The following MARCHF1 variants were observed in gnomAD, a reference collection of about 807,000 sequenced individuals.
MARCHF1 encodes membrane associated ring-CH-type finger 1.
MARCHF1 carries 40 observed loss-of-function variants against 54.2 expected under a neutral mutation model. The ratio of observed to expected loss-of-function variants is 0.74; its 90% confidence interval spans 0.57 to 0.96. MARCHF1 has a LOEUF of 0.96. Ranked by LOEUF, MARCHF1 falls within the 40% of genes least tolerant of loss-of-function variation. The pLI is 0.00. For synonymous variants in MARCHF1, 236 were observed against 236.3 expected (o/e 1.00, Z 0.01); for missense variants, 586 against 656.5 (o/e 0.89, Z 1.17).
intron 2 of MARCHF1, among the ~76,000 whole-genome samples, chr4:164,081,328 T>A (rs1454242795): frequency 1.6e-4 from 24 of 150,842 alleles, no homozygotes; most frequent in Admixed American, 1.6e-3. Flanking sequence ...TGTCAGCAGA[T>A]CTTGTTCATT....
chr4:163,884,850 T>C (rs1750494214), intron 3 of MARCHF1, among the ~76,000 whole-genome samples: 1 of 152,140 alleles, frequency 6.6e-6, no homozygotes, highest in Non-Finnish European at 1.5e-5. Context: ...AATGAATGGA[T>C]ACCAAAGCTG....
At chr4:163,937,091 A>T (rs1751812323) in intron 3 of MARCHF1, among the ~76,000 whole-genome samples, 1 of 152,180 alleles carries the variant, frequency 6.6e-6, no homozygotes, top group Non-Finnish European at 1.5e-5. Flanking sequence ...CATAATTTAT[A>T]CTTGTCTAGT....
rs190765258 is a variant in MARCHF1 at position 164,260,298 on chromosome 4, G to A, written c.-323+123572C>T. Among the ~76,000 whole-genome samples the A allele has an allele frequency of 5.4e-3, 814 of 152,082 alleles. 7 individuals are homozygous for A. Among genetic ancestry groups the A allele is most frequent in the African/African-American group, 0.017 (709 of 41,430 alleles). ...ACCTTATAAACCTCCAGAATAATGA[G>A]ACCACTGGGTTCAGTAAATTGCTTT... On this transcript the variant is annotated intron_variant, in intron 1 of 9. Transcript: ENST00000514618.
chr4:163,601,506 G>A (rs1431648869), intron 7 of MARCHF1, among the ~76,000 whole-genome samples: 3 of 151,682 alleles, frequency 2.0e-5, no homozygotes, highest in Non-Finnish European at 4.4e-5. Context: ...GACACATATT[G>A]TTCTTAAATT....
intron 7 of MARCHF1, among the ~76,000 whole-genome samples, chr4:163,591,097 A>G (rs912910999): frequency 1.3e-5 from 2 of 151,672 alleles, no homozygotes; most frequent in Non-Finnish European, 2.9e-5. Flanking sequence ...CACTTAATTG[A>G]TCACTTAATT....
chr4:164,217,676 A>G (rs576130212), intron 1 of MARCHF1, among the ~76,000 whole-genome samples: 85 of 152,292 alleles, frequency 5.6e-4, no homozygotes, highest in African/African-American at 1.9e-3. Context: ...TCTGCCCCCA[A>G]CCATTTATAA....
chr4:163,714,051 T>C (rs1745188278), intron 4 of MARCHF1, among the ~76,000 whole-genome samples: 1 of 152,228 alleles, frequency 6.6e-6, no homozygotes, highest in South Asian at 2.1e-4. Flanking sequence ...ACAAGCTATG[T>C]AACCTTGAGC....
chr4:164,326,789 A>G (rs1487382034), intron 1 of MARCHF1, among the ~76,000 whole-genome samples: 4 of 152,190 alleles, frequency 2.6e-5, no homozygotes, highest in Non-Finnish European at 5.9e-5. Flanking sequence ...AGGAGCTAAA[A>G]GTATAGATTC....
intron 3 of MARCHF1, among the ~76,000 whole-genome samples, chr4:163,883,299 C>A (rs1400248411): frequency 6.8e-6 from 1 of 147,818 alleles, no homozygotes; most frequent in African/African-American, 2.5e-5. Flanking sequence ...ACATTTAACT[C>A]AATTATTGTT....
chr4:163,875,073 T>C (rs982204034), intron 3 of MARCHF1, among the ~76,000 whole-genome samples: 1 of 152,194 alleles, frequency 6.6e-6, no homozygotes, highest in African/African-American at 2.4e-5. Context: ...ATCTCTATAA[T>C]TCCCTATTTT....
At chr4:164,281,457 A>AG (rs950303681) in intron 1 of MARCHF1, among the ~76,000 whole-genome samples, 7 of 152,086 alleles carry the variant, frequency 4.6e-5, no homozygotes, top group Non-Finnish European at 8.8e-5. Context: ...ATGCTTTCCT[A>AG]GGGGGGCTGA....
intron 1 of MARCHF1, among the ~76,000 whole-genome samples, chr4:164,329,224 C>T (rs185853547): frequency 6.0e-4 from 92 of 152,260 alleles, no homozygotes; most frequent in African/African-American, 2.1e-3. Context: ...TTGACCTCCA[C>T]GACAACCTTT....
At chr4:164,341,595 A>C (rs1729931875) in intron 1 of MARCHF1, among the ~76,000 whole-genome samples, 1 of 152,218 alleles carries the variant, frequency 6.6e-6, no homozygotes, top group African/African-American at 2.4e-5. Context: ...TTTGTCACTC[A>C]TGAGAGTCAG....
chr4:164,199,085 G>T (rs1731364381), intron 1 of MARCHF1, among the ~76,000 whole-genome samples: 1 of 152,152 alleles, frequency 6.6e-6, no homozygotes, highest in South Asian at 2.1e-4. Context: ...TGTGTGCTCA[G>T]ATTGATCACA....
rs115315735 is a variant in MARCHF1, at chr4:163,861,880, A to T, written c.-38-7711T>A. On this transcript the variant is annotated intron_variant, in intron 3 of 9. Transcript: ENST00000514618. Reference sequence around the variant, plus strand: ...TGGTGTTGGAAAAAAAAGTAAATATATAAGACAATAAAACAGAGATTTTAG... The same window carrying T: ...TGGTGTTGGAAAAAAAAGTAAATATTTAAGACAATAAAACAGAGATTTTAG... Among the ~76,000 whole-genome samples, 664 of 152,136 alleles carry T rather than the reference A, an allele frequency of 4.4e-3. 5 individuals are homozygous for T. Among genetic ancestry groups the T allele is most frequent in the African/African-American group, 0.015 (634 of 41,556 alleles).
chr4:163,996,674 T>A (rs1038888044), intron 2 of MARCHF1, among the ~76,000 whole-genome samples: 24 of 152,074 alleles, frequency 1.6e-4, no homozygotes, highest in Non-Finnish European at 2.9e-5. Context: ...ATCTTCAATT[T>A]AGAATGGTCT....
At chr4:163,723,239 C>T (rs1205682198) in intron 4 of MARCHF1, among the ~76,000 whole-genome samples, 3 of 152,120 alleles carry the variant, frequency 2.0e-5, no homozygotes, top group Non-Finnish European at 2.9e-5. Context: ...AATCTCTCAG[C>T]ATTTGCTTGT....
intron 3 of MARCHF1, among the ~76,000 whole-genome samples, chr4:163,877,320 GTCT>G (rs1057291985): frequency 2.0e-5 from 3 of 152,094 alleles, no homozygotes; most frequent in Non-Finnish European, 4.4e-5. Context: ...CCAGGGTTTA[GTCT>G]TCTTCTCTGT....
At chr4:164,194,559 TC>T (rs1188858900) in intron 1 of MARCHF1, among the ~76,000 whole-genome samples, 1 of 152,206 alleles carries the variant, frequency 6.6e-6, no homozygotes, top group Non-Finnish European at 1.5e-5. Flanking sequence ...AATTAACTTC[TC>T]ACACTCACAG....
Sources: gnomAD v4.1 joint callset for allele counts (sites outside exome capture counted in the v4.1 genomes callset) on GRCh38, gnomAD v4.1.1 for gene constraint, MANE v1.5 for transcripts, NCBI Gene and HGNC (gene_info 2026-07-23, HGNC 2026-07-21) for gene names.